GGT1: variants seen among roughly 807,000 people sequenced by gnomAD.
GGT1 encodes the protein glutathione hydrolase 1 proenzyme.
In GGT1, 21 loss-of-function variants were observed where a neutral mutation model predicts 56.0. That is an observed-to-expected ratio of 0.38 (90% CI 0.27 to 0.54). The LOEUF (loss-of-function observed/expected upper bound fraction) is 0.54. Among genes scored for constraint, GGT1 ranks in the 20% least tolerant of loss-of-function variants. The probability of loss-of-function intolerance (pLI) is 0.82; values close to 1 mark genes in which losing one functional copy is unlikely to be tolerated. For missense variants in GGT1, 466 were observed against 787.0 expected, an observed-to-expected ratio of 0.59 and a Z score of 4.88; for synonymous variants, 238 against 342.6, an observed-to-expected ratio of 0.69 and a Z score of 3.37.
rs1430201890 is a variant in GGT1, at chr22:24,605,255, G to GTATTA, written c.-429+1732_-429+1736dup. Among the ~76,000 whole-genome samples, 109 of 24,428 alleles carry GTATTA rather than the reference G, an allele frequency of 4.5e-3. 19 individuals carry two copies. The highest frequency in any genetic ancestry group is 7.3e-3 in the Admixed American group (8 of 1,090). The allele number at this position is 24,428 out of a possible 152,430, so 16.0% of individuals were successfully genotyped here. A position where few individuals can be genotyped will look rare whatever the true frequency, so the allele number is the denominator to read the frequency against. ...TATTATATTATATATTATATAATATGTATTATATATTATATAATATGTATT... is the reference window on the plus strand; with the variant it reads ...TATTATATTATATATTATATAATATGTATTATATTATATATTATATAATATGTATT... On this transcript the variant is annotated intron_variant, in intron 1 of 15. Coordinates refer to ENST00000400382, the MANE Select transcript of GGT1 (RefSeq NM_001288833.2).
upstream of GGT1, among the ~76,000 whole-genome samples, chr22:24,593,786 C>CAAAAA (rs34143786): frequency 9.5e-6 from 1 of 105,240 alleles, no homozygotes; most frequent in Non-Finnish European, 2.1e-5. Context: ...AACTCTGTCT[C>CAAAAA]AAAAAAAAAA....
chr22:24,589,591 G>A, the GGT1 span: 5 of 540,402 alleles, frequency 9.3e-6, no homozygotes, highest in Non-Finnish European at 3.0e-6. Flanking sequence ...CAGAAAATGG[G>A]TCTGCCCAGG....
At chr22:24,609,564 G>A (rs1288640177) in intron 2 of GGT1, 3 of 190,102 alleles carry the variant, frequency 1.6e-5, no homozygotes, top group Non-Finnish European at 3.4e-5. Flanking sequence ...CCACCTCTGG[G>A]ACAGTGTGTC....
At chr22:24,619,814 G>T (rs1382094996) in intron 7 of GGT1, among the ~76,000 whole-genome samples, 2 of 151,024 alleles carry the variant, frequency 1.3e-5, no homozygotes, top group East Asian at 3.9e-4. Flanking sequence ...AGGCCTTGTG[G>T]TCAGTGAGAT....
chr22:24,624,967 G>A (rs907254891), intron 11 of GGT1, among the ~76,000 whole-genome samples: 2 of 151,818 alleles, frequency 1.3e-5, no homozygotes, highest in Admixed American at 6.6e-5. Flanking sequence ...CACTCTCCTC[G>A]AGTTTTCATT....
chr22:24,621,007 G>A lies in GGT1; in HGVS notation c.670G>A (p.Gly224Ser). Residue 224 changes from glycine to serine, a missense_variant, in exon 9 of 16, where the codon GGT becomes AGT. Transcript: ENST00000400382. Reference protein sequence around the residue: ...ADTYETLAIEGAQAFYNGSLT... With the variant: ...ADTYETLAIESAQAFYNGSLT... ...CACCTACGAGACGCTGGCCATCGAG[G>A]GTGCCCAGGCCTTCTACAACGGCAG... 2 of 1,610,922 alleles carry A rather than the reference G, an allele frequency of 1.2e-6. No individual in the cohort carries two copies. The highest frequency in any genetic ancestry group is 1.7e-6 in the Non-Finnish European group (2 of 1,179,364).
chr22:24,619,449 G>T (rs1272150833), intron 7 of GGT1, among the ~76,000 whole-genome samples: 1 of 150,858 alleles, frequency 6.6e-6, no homozygotes, highest in Non-Finnish European at 1.5e-5. Context: ...TATGTCTGTA[G>T]TCTTAGGTAC....
intron 9 of GGT1, 73 bp downstream of exon 9, chr22:24,621,143 G>A (rs2047387421): frequency 2.0e-6 from 3 of 1,520,198 alleles, no homozygotes; most frequent in African/African-American, 1.4e-5. Flanking sequence ...CCAGAGCTAT[G>A]GGGTCCTCCT....
chr22:24,620,103 C>T lies in GGT1; in HGVS notation c.383-225C>T, dbSNP rs1480085942. On this transcript the variant is annotated intron_variant, in intron 7 of 15. Coordinates refer to ENST00000400382, the MANE Select transcript of GGT1 (RefSeq NM_001288833.2). The surrounding 1 kb of genome is among the most constrained non-coding windows in gnomAD (Gnocchi z 5.6). ...GTGCTGTTCACGCCTGTAATCTCAG[C>T]GACTCAGGAGGCTGAGGTGGGAGGA... 2.6e-5 allele frequency among the ~76,000 whole-genome samples: 4 copies of T among 151,872 alleles called. No individual in the cohort carries two copies. Among genetic ancestry groups the T allele is most frequent in the African/African-American group, 9.7e-5 (4 of 41,338 alleles).
chr22:24,611,820 T>TGTGTGTGTGTG (rs2046722956), intron 5 of GGT1, among the ~76,000 whole-genome samples: 1 of 147,520 alleles, frequency 6.8e-6, no homozygotes, highest in Non-Finnish European at 1.5e-5. Flanking sequence ...TGTGTGTGTG[T>TGTGTGTGTGTG]TTCCAAGACA....
intron 1 of GGT1, 55 bp from the exon 2 acceptor site, chr22:24,607,899 C>T (rs1256097508): frequency 7.0e-6 from 3 of 431,358 alleles, no homozygotes. Context: ...GGGGGCCCAG[C>T]CAGTTCTGTG....
At chr22:24,598,021 A>G (rs2045723495) in intron 1 of GGT1, 1 of 152,246 alleles carries the variant, frequency 6.6e-6, no homozygotes, top group African/African-American at 2.4e-5. Flanking sequence ...TTAATTTGCT[A>G]GAGTAGCTCA....
upstream of GGT1, among the ~76,000 whole-genome samples, chr22:24,601,790 G>A (rs999663888): frequency 2.6e-5 from 4 of 152,232 alleles, no homozygotes; most frequent in Non-Finnish European, 5.9e-5. Context: ...CCCGGGCTGT[G>A]TTGGCAGCTG....
upstream of GGT1, chr22:24,592,131 G>A (rs1365139862): frequency 2.6e-6 from 1 of 378,762 alleles, no homozygotes; most frequent in African/African-American, 2.1e-5. Context: ...GTGGGGACGG[G>A]GTGGTGAGGG....
chr22:24,611,537 A>C (rs2046664644), intron 5 of GGT1, among the ~76,000 whole-genome samples: 1 of 112,754 alleles, frequency 8.9e-6, no homozygotes. Flanking sequence ...CTATCTATCT[A>C]TCTATCATCT....
chr22:24,613,346 T>G (rs1376505832), intron 5 of GGT1, among the ~76,000 whole-genome samples: 1 of 152,226 alleles, frequency 6.6e-6, no homozygotes. Flanking sequence ...GTGCTGAGAT[T>G]ACAGGTGTAA....
At chr22:24,618,486 G>C (rs1364545014) in intron 7 of GGT1, among the ~76,000 whole-genome samples, 1 of 152,220 alleles carries the variant, frequency 6.6e-6, no homozygotes, top group East Asian at 1.9e-4. Flanking sequence ...AGCTACTCGG[G>C]AGGCTGAGGC....
At chr22:24,585,247 A>C in the GGT1 span, among the ~76,000 whole-genome samples, 1 of 152,192 alleles carries the variant, frequency 6.6e-6, no homozygotes, top group African/African-American at 2.4e-5. Flanking sequence ...TGGTCTGTGC[A>C]GCCTTGTCCC....
chr22:24,589,012 C>T, the GGT1 span: 1 of 1,021,154 alleles, frequency 9.8e-7, no homozygotes, highest in Non-Finnish European at 1.2e-6. Context: ...GAGCAGGCAG[C>T]ACACACAGCA....
Sources: gnomAD v4.1 joint callset for allele counts (sites outside exome capture counted in the v4.1 genomes callset) on GRCh38, gnomAD v4.1.1 for gene constraint, Gnocchi (gnomAD v3.1) non-coding constraint, MANE v1.5 for transcripts, NCBI Gene and HGNC (gene_info 2026-07-23, HGNC 2026-07-21) for gene names.